HS3ST5: variants seen among roughly 807,000 people sequenced by gnomAD.
HS3ST5 encodes heparan sulfate glucosamine 3-O-sulfotransferase 5.
HS3ST5 carries 10 observed loss-of-function variants against 25.4 expected under a neutral mutation model. The observed-to-expected ratio is 0.39, with a 90% CI of 0.24 to 0.67. The LOEUF is 0.67. HS3ST5 is among the 30% of genes least tolerant of loss of function. HS3ST5 has a pLI of 0.44. For missense variants in HS3ST5, 324 were observed against 420.7 expected (o/e 0.77, Z 2.01); for synonymous variants, 170 against 162.4 (o/e 1.05, Z -0.36).
At position 114,173,586 on chromosome 6, in the gene HS3ST5, C is replaced by T. The variant is rs563745321; in HGVS notation, c.-144-5124G>A. On this transcript the variant is annotated intron_variant, in intron 2 of 4. Transcript: ENST00000312719. ...TTCAAAATCAAGTGCTGGCTGGGCACGGTGGCTCATGCCTGTAATCCCAGC... is the reference window on the plus strand; with the variant it reads ...TTCAAAATCAAGTGCTGGCTGGGCATGGTGGCTCATGCCTGTAATCCCAGC... Among the ~76,000 whole-genome samples the T allele has an allele frequency of 3.8e-4, 58 of 152,104 alleles. 1 individual carries two copies. The highest frequency in any genetic ancestry group is 6.0e-4 in the Non-Finnish European group (41 of 68,006).
intron 1 of HS3ST5, among the ~76,000 whole-genome samples, chr6:114,312,899 A>T (rs962919579): frequency 3.3e-5 from 5 of 151,614 alleles, no homozygotes; most frequent in Non-Finnish European, 7.4e-5. Context: ...GCATGGTGGT[A>T]CATGCCTATA....
chr6:114,239,932 T>C (rs1165747249), intron 1 of HS3ST5, among the ~76,000 whole-genome samples: 3 of 152,038 alleles, frequency 2.0e-5, no homozygotes, highest in African/African-American at 7.2e-5. Flanking sequence ...GATTCTTAGA[T>C]ACTTTGCCAG....
intron 3 of HS3ST5, among the ~76,000 whole-genome samples, chr6:114,157,064 G>C (rs556132382): frequency 1.3e-5 from 2 of 152,074 alleles, no homozygotes; most frequent in South Asian, 4.2e-4. Flanking sequence ...CATGCCCAGT[G>C]AAATGCACTG....
intron 1 of HS3ST5, among the ~76,000 whole-genome samples, chr6:114,242,270 A>T (rs966144647): frequency 1.6e-4 from 24 of 152,192 alleles, no homozygotes; most frequent in African/African-American, 5.5e-4. Context: ...TTAATTAAGC[A>T]TATTATTAAA....
At chr6:114,067,299 T>G (rs951421097) in intron 3 of HS3ST5, among the ~76,000 whole-genome samples, 3 of 152,186 alleles carry the variant, frequency 2.0e-5, no homozygotes, top group African/African-American at 7.2e-5. Context: ...GGAATAAAAC[T>G]TGCAAGGCTT....
intron 1 of HS3ST5, among the ~76,000 whole-genome samples, chr6:114,310,059 T>C (rs1775463956): frequency 6.6e-6 from 1 of 152,204 alleles, no homozygotes; most frequent in South Asian, 2.1e-4. Context: ...ACTTGCTCTC[T>C]CCAATATATT....
chr6:114,335,465 A>G (rs1451830369), intron 1 of HS3ST5, among the ~76,000 whole-genome samples: 2 of 152,182 alleles, frequency 1.3e-5, no homozygotes, highest in South Asian at 2.1e-4. Flanking sequence ...TGTGTAACCT[A>G]AAGTTTTCAA....
intron 2 of HS3ST5, among the ~76,000 whole-genome samples, chr6:114,195,696 G>C (rs1780708108): frequency 6.6e-6 from 1 of 152,146 alleles, no homozygotes; most frequent in Non-Finnish European, 1.5e-5. Context: ...AGAATTTATA[G>C]GTGTATGTCC....
At chr6:114,202,250 G>T (rs531343927) in intron 2 of HS3ST5, among the ~76,000 whole-genome samples, 1 of 152,054 alleles carries the variant, frequency 6.6e-6, no homozygotes, top group Non-Finnish European at 1.5e-5. Flanking sequence ...CCAAGACCTC[G>T]TCTCTATAAA....
intron 1 of HS3ST5, among the ~76,000 whole-genome samples, chr6:114,294,711 T>G (rs1170136001): frequency 6.6e-6 from 1 of 152,138 alleles, no homozygotes; most frequent in Non-Finnish European, 1.5e-5. Flanking sequence ...GGGATTCCAT[T>G]TAAAGGTATG....
chr6:114,199,585 T>A (rs1780916752), intron 2 of HS3ST5, among the ~76,000 whole-genome samples: 1 of 1,746 alleles, frequency 5.7e-4, no homozygotes, highest in Non-Finnish European at 1.3e-3. Flanking sequence ...CAAATAAAAA[T>A]TAAAAATAAG....
chr6:114,212,646 C>T (rs1391662830), intron 2 of HS3ST5, among the ~76,000 whole-genome samples: 2 of 152,210 alleles, frequency 1.3e-5, no homozygotes, highest in Non-Finnish European at 2.9e-5. Flanking sequence ...AAAGAAAGCT[C>T]TCTCCATTTT....
At chr6:114,213,135 C>A (rs1473821636) in intron 2 of HS3ST5, among the ~76,000 whole-genome samples, 1 of 151,976 alleles carries the variant, frequency 6.6e-6, no homozygotes, top group East Asian at 1.9e-4. Context: ...ATGTGGCCTT[C>A]CCCTGGAGTT....
chr6:114,149,206 T>C (rs1336304304), intron 3 of HS3ST5, among the ~76,000 whole-genome samples: 1 of 152,182 alleles, frequency 6.6e-6, no homozygotes, highest in Non-Finnish European at 1.5e-5. Flanking sequence ...AGAAATACCA[T>C]TTGACTCAGC....
chr6:114,106,375 T>C (rs1166483579), intron 3 of HS3ST5, among the ~76,000 whole-genome samples: 1 of 152,108 alleles, frequency 6.6e-6, no homozygotes, highest in Admixed American at 6.5e-5. Context: ...AGAGTTAGCA[T>C]TCCATAAATG....
At chr6:114,242,859 CAAA>C (rs376265869) in intron 1 of HS3ST5, among the ~76,000 whole-genome samples, 4 of 110,864 alleles carry the variant, frequency 3.6e-5, no homozygotes, top group Non-Finnish European at 1.8e-5. Context: ...GACTCCGTCT[CAAA>C]AAAAAAAAAA....
At chr6:114,074,345 A>C (rs1467927267) in intron 3 of HS3ST5, among the ~76,000 whole-genome samples, 1 of 152,126 alleles carries the variant, frequency 6.6e-6, no homozygotes. Flanking sequence ...ATGCAATAGA[A>C]ATTGACAAAT....
At chr6:114,131,788 T>C (rs13199435) in intron 3 of HS3ST5, among the ~76,000 whole-genome samples, 38,023 of 152,074 alleles carry the variant, frequency 0.25, 4,868 homozygotes, top group African/African-American at 0.29. Context: ...ATTGTTTCTG[T>C]ACCTCTCTGT....
At chr6:114,101,239 C>T (rs1399782190) in intron 3 of HS3ST5, among the ~76,000 whole-genome samples, 1 of 152,200 alleles carries the variant, frequency 6.6e-6, no homozygotes, top group Non-Finnish European at 1.5e-5. Context: ...TAAGCAGATA[C>T]TCACAAAGGT....
Sources: gnomAD v4.1 joint callset for allele counts (sites outside exome capture counted in the v4.1 genomes callset) on GRCh38, gnomAD v4.1.1 for gene constraint, MANE v1.5 for transcripts, NCBI Gene and HGNC (gene_info 2026-07-23, HGNC 2026-07-21) for gene names.